The following PCDHGA1 variants were observed in gnomAD, a reference collection of about 807,000 sequenced individuals.
PCDHGA1 encodes the protein protocadherin gamma subfamily A, 1.
A neutral mutation model predicts 58.0 loss-of-function variants in PCDHGA1; 32 were observed. The observed-to-expected ratio is 0.55, with a 90% confidence interval of 0.42 to 0.74. The LOEUF (loss-of-function observed/expected upper bound fraction) is 0.74, where lower values mean the gene tolerates loss of function less well. Among genes scored for constraint, PCDHGA1 ranks in the 30% least tolerant of loss-of-function variants. PCDHGA1 has a pLI of 0.00. For synonymous variants in PCDHGA1, 498 were observed against 501.1 expected, an observed-to-expected ratio of 0.99 and a Z score of 0.08; for missense variants, 1,205 against 1,182.3, an observed-to-expected ratio of 1.02 and a Z score of -0.28.
intron 1 of PCDHGA1, chr5:141,355,966 C>T (rs2149788851): frequency 1.9e-6 from 3 of 1,613,816 alleles, no homozygotes; most frequent in Non-Finnish European, 1.7e-6. Context: ...TGAGAACGTT[C>T]CTGTAGGCAC....
chr5:141,374,504 A>G (rs370470847), intron 1 of PCDHGA1: 1 of 1,611,510 alleles, frequency 6.2e-7, no homozygotes, highest in African/African-American at 1.3e-5. Context: ...ATTGGAAGTG[A>G]AAATTCTCGA....
At chr5:141,374,134 C>T in intron 1 of PCDHGA1, 4 of 1,605,352 alleles carry the variant, frequency 2.5e-6, no homozygotes, top group Non-Finnish European at 3.4e-6. Context: ...TCCTGCTCCT[C>T]ACGCTCCTGG....
intron 1 of PCDHGA1, chr5:141,430,840 A>G: frequency 6.4e-7 from 1 of 1,565,876 alleles, no homozygotes; most frequent in East Asian, 2.2e-5. Flanking sequence ...GGGAGACCGG[A>G]TGCACCCAGA....
intron 1 of PCDHGA1, chr5:141,385,194 G>A (rs1274561417): frequency 1.2e-6 from 2 of 1,614,124 alleles, no homozygotes; most frequent in Non-Finnish European, 1.7e-6. Flanking sequence ...ACTCTCGGAA[G>A]AGTCACCTGA....
chr5:141,441,762 C>T (rs3805697), intron 1 of PCDHGA1: 63,073 of 367,490 alleles, frequency 0.17, 6,544 homozygotes, highest in Admixed American at 0.27. Context: ...CGTGAGCCTG[C>T]GCGTGTTGGT....
Position 141,447,676 on chromosome 5 carries a change from C to T in PCDHGA1, c.2422-47131C>T, listed in dbSNP as rs1466767844. Among the ~76,000 whole-genome samples the T allele has an allele frequency of 2.6e-5, 4 of 152,104 alleles. No individual in the cohort carries two copies. The East Asian group carries it at 7.7e-4, about 29-fold the overall frequency. On this transcript the variant is annotated intron_variant, in intron 1 of 3. Coordinates refer to ENST00000517417, the MANE Select transcript of PCDHGA1 (RefSeq NM_018912.3). The stretch of plus-strand genomic sequence containing the variant: ...CCCCCCCAGGAAGTTAGAACTGTTC[C>T]ATATCTTGATAGAGGGATGGGTTAT...
intron 1 of PCDHGA1, chr5:141,420,280 T>C: frequency 6.6e-7 from 1 of 1,513,274 alleles, no homozygotes; most frequent in Non-Finnish European, 8.9e-7. Context: ...AACAGGTAAG[T>C]ATTTAAAAAT....
chr5:141,398,740 C>T, intron 1 of PCDHGA1: 1 of 1,613,864 alleles, frequency 6.2e-7, no homozygotes, highest in Non-Finnish European at 8.5e-7. Flanking sequence ...CCGGGAACAA[C>T]AGAGTTACCA....
rs891428609 is a variant in PCDHGA1, at chr5:141,503,553, C to T, written c.2481-1840C>T. Among the ~76,000 whole-genome samples the T allele has an allele frequency of 9.4e-5, 14 of 149,164 alleles. No homozygotes were observed. In the East Asian group the frequency reaches 2.2e-3, roughly 23 times the overall value. On this transcript the variant is annotated intron_variant, in intron 2 of 3. Coordinates refer to ENST00000517417, the MANE Select transcript of PCDHGA1 (RefSeq NM_018912.3). ...GGCAGAGGTTGCAGTGAGCCGAGAT[C>T]GCGCCACTGTACTCCAGCCTGGGTG...
In PCDHGA1 at chr5:141,332,880, A is replaced by G. The variant is rs1380305111; in HGVS notation, c.2196A>G (p.Leu732=). ...SRLLQASGGG[L]ASMPGSHFVG... ...TGCTACAGGCTTCGGGAGGCGGCTT[A>G]GCGAGCATGCCCGGTTCGCACTTTG... Residue 732 remains leucine, a synonymous_variant, in exon 1 of 4, where the codon TTA becomes TTG. Coordinates refer to ENST00000517417, the MANE Select transcript of PCDHGA1 (RefSeq NM_018912.3). The surrounding 1 kb of genome is among the most constrained non-coding windows in gnomAD (Gnocchi z 4.6). The G allele has an allele frequency of 9.9e-6, 16 of 1,614,084 alleles. No homozygotes were observed. Among genetic ancestry groups the G allele is most frequent in the African/African-American group, 8.0e-5 (6 of 74,932 alleles).
chr5:141,374,282 G>C, intron 1 of PCDHGA1: 1 of 1,613,972 alleles, frequency 6.2e-7, no homozygotes, highest in Non-Finnish European at 8.5e-7. Context: ...AGTCCGCATC[G>C]TCTCCAGAGG....
chr5:141,357,525 T>A (rs1015704388), intron 1 of PCDHGA1: 2 of 1,614,206 alleles, frequency 1.2e-6, no homozygotes, highest in Non-Finnish European at 1.7e-6. Flanking sequence ...AACCCAGCTA[T>A]GCAGACACGC....
In PCDHGA1 at chr5:141,499,962, A is replaced by G. The variant is rs147527188; in HGVS notation, c.2480+5097A>G. Among the ~76,000 whole-genome samples the G allele has an allele frequency of 3.7e-3, 563 of 152,178 alleles. 5 individuals are homozygous for G. Among genetic ancestry groups the G allele is most frequent in the Admixed American group, 0.011 (164 of 15,288 alleles). On this transcript the variant is annotated intron_variant, in intron 2 of 3. Coordinates refer to ENST00000517417, the MANE Select transcript of PCDHGA1 (RefSeq NM_018912.3). ...CTCGGCCTCCCAAAATGTTGGGATT[A>G]CAGGTGTGAGCCACCTTGCCCGGCC...
chr5:141,389,656 C>A (rs763730959), intron 1 of PCDHGA1: 18 of 1,612,420 alleles, frequency 1.1e-5, no homozygotes, highest in South Asian at 1.1e-5. Flanking sequence ...AAGGTAGTGG[C>A]GGTGGACGCA....
rs761739127 is a variant in PCDHGA1, at chr5:141,331,202, G to C, written c.518G>C (p.Ser173Thr). ...AACTCACTCCAGAGCTACCAACTCA[G>C]CTCTAACCCTCATTTCTCCCTGGAT... The part of the protein sequence containing the change: ...GMNSLQSYQL[S>T]SNPHFSLDVQ... The change falls in exon 1 of 4, where the codon AGC becomes ACC. Residue 173 changes from serine (S) to threonine (T), a missense_variant. Physicochemically the swap from Ser to Thr is moderately conservative, Grantham distance 58. Transcript: ENST00000517417. 6 of 1,613,992 alleles carry C rather than the reference G, an allele frequency of 3.7e-6. No individual in the cohort carries two copies. Among genetic ancestry groups the C allele is most frequent in the African/African-American group, 1.3e-5 (1 of 74,908 alleles).
intron 1 of PCDHGA1, chr5:141,372,284 T>C: frequency 6.2e-7 from 1 of 1,613,190 alleles, no homozygotes; most frequent in Non-Finnish European, 8.5e-7. Context: ...GCACGGCGCG[T>C]ACCTTGGGCG....
chr5:141,422,800 C>A (rs1470748782), intron 1 of PCDHGA1: 1 of 1,614,094 alleles, frequency 6.2e-7, no homozygotes, highest in Non-Finnish European at 8.5e-7. Flanking sequence ...CGACTATGAG[C>A]AGTTTCGAGA....
At chr5:141,345,204 C>A in intron 1 of PCDHGA1, 1 of 1,613,904 alleles carries the variant, frequency 6.2e-7, no homozygotes, top group Non-Finnish European at 8.5e-7. Context: ...GGGAAATCTG[C>A]CATTTAAGTT....
intron 1 of PCDHGA1, chr5:141,371,270 C>T (rs778912997): frequency 6.2e-7 from 1 of 1,613,894 alleles, no homozygotes; most frequent in African/African-American, 1.3e-5. Flanking sequence ...GACAACTGTT[C>T]AAGCTGGACA....
Sources: allele counts gnomAD v4.1 joint callset (sites outside exome capture counted in the v4.1 genomes callset), GRCh38; gene constraint gnomAD v4.1.1; non-coding constraint Gnocchi (gnomAD v3.1); transcripts MANE v1.5; gene names NCBI Gene and HGNC (gene_info 2026-07-23, HGNC 2026-07-21).